Variants in LPP observed in about 807,000 individuals in gnomAD.
The protein encoded by LPP is LIM domain containing preferred translocation partner in lipoma, also known as lipoma-preferred partner.
In LPP, 38 loss-of-function variants were observed where a neutral mutation model predicts 60.4. That is an observed-to-expected ratio of 0.63 (90% CI 0.49 to 0.83). The LOEUF is 0.83. Ranked by LOEUF, LPP falls within the 40% of genes least tolerant of loss-of-function variation. LPP has a pLI of 0.00. For synonymous variants in LPP, 328 were observed against 290.8 expected (o/e 1.13, Z -1.30); for missense variants, 902 against 783.6 (o/e 1.15, Z -1.80).
chr3:188,870,692 A>T (rs948886891), intron 10 of LPP, among the ~76,000 whole-genome samples: 1 of 152,186 alleles, frequency 6.6e-6, no homozygotes, highest in Non-Finnish European at 1.5e-5. Flanking sequence ...ATTATTGTCC[A>T]CTCAGTGAGC....
At chr3:188,650,572 A>G (rs1435204754) in intron 7 of LPP, among the ~76,000 whole-genome samples, 1 of 152,150 alleles carries the variant, frequency 6.6e-6, no homozygotes, top group East Asian at 1.9e-4. Flanking sequence ...GTTGCATTCT[A>G]ATGGACCTAT....
chr3:188,528,728 T>C (rs778981026), intron 6 of LPP, among the ~76,000 whole-genome samples: 1 of 152,166 alleles, frequency 6.6e-6, no homozygotes, highest in Non-Finnish European at 1.5e-5. Flanking sequence ...TCCTTGGCCA[T>C]ATGTTTGAGC....
At chr3:188,386,264 G>GCACACACACACACA (rs1277848531) in intron 3 of LPP, among the ~76,000 whole-genome samples, 1 of 99,260 alleles carries the variant, frequency 1.0e-5, no homozygotes, top group African/African-American at 3.8e-5. Context: ...TAGCATGCGC[G>GCACACACACACACA]CACACACACA....
At chr3:188,735,418 A>T (rs902810704) in intron 8 of LPP, among the ~76,000 whole-genome samples, 1 of 151,908 alleles carries the variant, frequency 6.6e-6, no homozygotes, top group Non-Finnish European at 1.5e-5. Flanking sequence ...TCTTGCTCTC[A>T]TCCCCCAGGC....
intron 2 of LPP, chr3:188,240,149 G>C: frequency 5.3e-6 from 1 of 188,380 alleles, no homozygotes; most frequent in East Asian, 8.4e-5. Context: ...CCCTTCAGAG[G>C]ATCTCATCTC....
intron 7 of LPP, among the ~76,000 whole-genome samples, chr3:188,705,945 A>G (rs1865403286): frequency 6.6e-6 from 1 of 152,066 alleles, no homozygotes; most frequent in East Asian, 1.9e-4. Context: ...TCATTTGTGC[A>G]TGTTTCTTAC....
At chr3:188,191,880 C>T (rs1005475747) in intron 1 of LPP, among the ~76,000 whole-genome samples, 13 of 151,960 alleles carry the variant, frequency 8.6e-5, no homozygotes, top group East Asian at 1.9e-4. Flanking sequence ...GACAGAGAGA[C>T]GATATTTAAA....
chr3:188,179,880 T>C (rs1724402985), intron 1 of LPP: 1 of 247,996 alleles, frequency 4.0e-6, no homozygotes, highest in Admixed American at 5.2e-5. Flanking sequence ...TTGCATGGCA[T>C]CTGTGCCTGA....
chr3:188,467,542 C>T (rs1482582194), intron 4 of LPP, among the ~76,000 whole-genome samples: 1 of 152,060 alleles, frequency 6.6e-6, no homozygotes, highest in South Asian at 2.1e-4. Context: ...TGTTAGGGTA[C>T]ATGCCACAGG....
intron 6 of LPP, among the ~76,000 whole-genome samples, chr3:188,581,007 A>G (rs891706677): frequency 6.6e-6 from 1 of 152,152 alleles, no homozygotes; most frequent in Non-Finnish European, 1.5e-5. Context: ...TTACTTAAAA[A>G]TCAACTGATT....
At chr3:188,356,125 C>A (rs79034429) in intron 3 of LPP, among the ~76,000 whole-genome samples, 3 of 152,096 alleles carry the variant, frequency 2.0e-5, no homozygotes, top group Admixed American at 2.0e-4. Flanking sequence ...CCCAAGATAT[C>A]AGATGTCCTT....
chr3:188,796,633 T>A (rs1000196397), intron 9 of LPP, among the ~76,000 whole-genome samples: 7 of 152,156 alleles, frequency 4.6e-5, no homozygotes, highest in African/African-American at 1.7e-4. Context: ...GAAACCATGT[T>A]TAGTTAAGAA....
chr3:188,384,722 G>A (rs1009911292), intron 3 of LPP, among the ~76,000 whole-genome samples: 11 of 146,634 alleles, frequency 7.5e-5, no homozygotes, highest in Admixed American at 1.4e-4. Flanking sequence ...CCACGAAGTC[G>A]GAGGTTGCAG....
chr3:188,318,844 C>T (rs181894178), intron 2 of LPP, among the ~76,000 whole-genome samples: 8,806 of 146,296 alleles, frequency 0.06, 347 homozygotes, highest in Middle Eastern at 0.15. Context: ...CTGCAAGCTC[C>T]GCCTCCCGGG....
At chr3:188,246,261 G>T (rs1726917888) in intron 2 of LPP, among the ~76,000 whole-genome samples, 1 of 151,724 alleles carries the variant, frequency 6.6e-6, no homozygotes, top group South Asian at 2.1e-4. Flanking sequence ...ATGTCTAGGT[G>T]TCTATTTCTT....
rs1228246733 is a variant in LPP at position 188,352,179 on chromosome 3, G to A, written c.-10+10460G>A. Among the ~76,000 whole-genome samples the A allele has an allele frequency of 1.3e-5, 2 of 152,148 alleles. No homozygotes were observed. The highest frequency in any genetic ancestry group is 2.9e-5 in the Non-Finnish European group (2 of 68,038). On this transcript the variant is annotated intron_variant, in intron 3 of 11. Coordinates refer to ENST00000617246, the MANE Select transcript of LPP (RefSeq NM_001375462.1). This position sits in a 1 kb window ranked among gnomAD's most constrained non-coding sequence, Gnocchi z 4.4. ...TTCTGTATTGGACTGTGAAGATTCTGGCAGGGAAGACAATACACAAATCTG... is the reference window on the plus strand; with the variant it reads ...TTCTGTATTGGACTGTGAAGATTCTAGCAGGGAAGACAATACACAAATCTG...
intron 7 of LPP, among the ~76,000 whole-genome samples, chr3:188,637,657 T>C (rs1171834058): frequency 1.1e-4 from 16 of 151,342 alleles, no homozygotes; most frequent in Non-Finnish European, 1.6e-4. Flanking sequence ...ATCAAATAGA[T>C]GCAATAAAAA....
intron 9 of LPP, among the ~76,000 whole-genome samples, chr3:188,842,181 G>A (rs1760203039): frequency 6.6e-6 from 1 of 152,170 alleles, no homozygotes; most frequent in Non-Finnish European, 1.5e-5. Context: ...CCAGAAGACA[G>A]CATTTGCTAT....
chr3:188,592,219 T>C (rs762570254), intron 6 of LPP, among the ~76,000 whole-genome samples: 2 of 152,162 alleles, frequency 1.3e-5, no homozygotes, highest in African/African-American at 4.8e-5. Flanking sequence ...TATCACACTA[T>C]AAACAACATT....
Sources: gnomAD v4.1 joint callset for allele counts (sites outside exome capture counted in the v4.1 genomes callset) on GRCh38, gnomAD v4.1.1 for gene constraint, Gnocchi (gnomAD v3.1) non-coding constraint, MANE v1.5 for transcripts, NCBI Gene and HGNC (gene_info 2026-07-23, HGNC 2026-07-21) for gene names.